Variants in AFG2A observed in about 807,000 individuals in gnomAD.
AFG2A encodes the protein AAA ATPase AFG2A.
At chr4:123,201,513 A>G in the AFG2A span, among the ~76,000 whole-genome samples, 1 of 152,218 alleles carries the variant, frequency 6.6e-6, no homozygotes, top group Non-Finnish European at 1.5e-5. Context: ...TGTTTTGTAG[A>G]GTGACATACT....
At chr4:123,048,553 A>G in the AFG2A span, among the ~76,000 whole-genome samples, 1 of 152,114 alleles carries the variant, frequency 6.6e-6, no homozygotes, top group Non-Finnish European at 1.5e-5. Flanking sequence ...TGTTTTATAT[A>G]GTTTTCCTTG....
chr4:122,946,160 G>A, the AFG2A span, among the ~76,000 whole-genome samples: 1 of 152,206 alleles, frequency 6.6e-6, no homozygotes, highest in African/African-American at 2.4e-5. Context: ...TGACTGTTAA[G>A]CAGACCAAAT....
At chr4:122,945,884 C>T in the AFG2A span, among the ~76,000 whole-genome samples, 3 of 152,274 alleles carry the variant, frequency 2.0e-5, no homozygotes, top group South Asian at 2.1e-4. Flanking sequence ...TATATACTAA[C>T]GTGTTAGTAA....
the AFG2A span, chr4:123,090,528 A>G: frequency 2.7e-4 from 433 of 1,592,394 alleles, no homozygotes; most frequent in Non-Finnish European, 3.3e-4. Flanking sequence ...AATAGATAAT[A>G]GTATTTGAAG....
chr4:123,104,125 G>A, the AFG2A span, among the ~76,000 whole-genome samples: 1 of 152,126 alleles, frequency 6.6e-6, no homozygotes, highest in Non-Finnish European at 1.5e-5. Flanking sequence ...TTGAGTATTT[G>A]TGGTAACCCT....
At chr4:122,965,504 C>T in the AFG2A span, among the ~76,000 whole-genome samples, 1 of 152,178 alleles carries the variant, frequency 6.6e-6, no homozygotes, top group Admixed American at 6.5e-5. Context: ...TTTGCCTTTT[C>T]TTCCCTTCAA....
the AFG2A span, among the ~76,000 whole-genome samples, chr4:123,111,330 T>A: frequency 6.6e-6 from 1 of 152,170 alleles, no homozygotes; most frequent in African/African-American, 2.4e-5. Flanking sequence ...ACCCATATAT[T>A]TTTGGACACC....
the AFG2A span, among the ~76,000 whole-genome samples, chr4:123,035,838 G>C: frequency 1.3e-5 from 2 of 151,996 alleles, no homozygotes; most frequent in African/African-American, 4.8e-5. Context: ...AGAAGACCTA[G>C]AGAGATTTAG....
At chr4:123,099,603 G>A in the AFG2A span, among the ~76,000 whole-genome samples, 1 of 151,228 alleles carries the variant, frequency 6.6e-6, no homozygotes, top group African/African-American at 2.4e-5. Flanking sequence ...AGTCGTATTT[G>A]AGTAAAAAAT....
At chr4:123,310,725 G>T in the AFG2A span, among the ~76,000 whole-genome samples, 1 of 152,200 alleles carries the variant, frequency 6.6e-6, no homozygotes. Flanking sequence ...ATTGACGAAA[G>T]AATGACTGGC....
the AFG2A span, among the ~76,000 whole-genome samples, chr4:123,106,562 G>T: frequency 6.6e-6 from 1 of 152,212 alleles, no homozygotes; most frequent in South Asian, 2.1e-4. Flanking sequence ...TTATACTTCA[G>T]CAACAGTTTC....
the AFG2A span, among the ~76,000 whole-genome samples, chr4:122,999,898 C>A: frequency 6.6e-6 from 1 of 152,050 alleles, no homozygotes; most frequent in African/African-American, 2.4e-5. Flanking sequence ...TTACCTTGGG[C>A]AGTATGGCCA....
the AFG2A span, among the ~76,000 whole-genome samples, chr4:122,929,575 T>G: frequency 6.6e-6 from 1 of 152,064 alleles, no homozygotes; most frequent in Non-Finnish European, 1.5e-5. Context: ...GGTGTGTACC[T>G]GTAGTCCCAA....
chr4:123,129,141 A>T, the AFG2A span, among the ~76,000 whole-genome samples: 1 of 152,198 alleles, frequency 6.6e-6, no homozygotes, highest in Non-Finnish European at 1.5e-5. Flanking sequence ...TCAATTAAAA[A>T]TCTTAAAGGC....
chr4:123,033,700 C>T, the AFG2A span, among the ~76,000 whole-genome samples: 13 of 152,260 alleles, frequency 8.5e-5, no homozygotes, highest in Non-Finnish European at 1.8e-4. Context: ...GAGTATGTCA[C>T]GATGAAAAGA....
the AFG2A span, among the ~76,000 whole-genome samples, chr4:123,011,665 A>G: frequency 6.6e-6 from 1 of 152,232 alleles, no homozygotes; most frequent in South Asian, 2.1e-4. Context: ...ATTGGGGTCA[A>G]GCGGTGTTGG....
chr4:123,266,066 C>T, the AFG2A span, among the ~76,000 whole-genome samples: 1 of 151,936 alleles, frequency 6.6e-6, no homozygotes, highest in Non-Finnish European at 1.5e-5. Flanking sequence ...AGCATAGATT[C>T]TGATAGTGAC....
the AFG2A span, among the ~76,000 whole-genome samples, chr4:123,162,005 T>C: frequency 1.4e-5 from 2 of 139,234 alleles, no homozygotes; most frequent in Non-Finnish European, 3.2e-5. Context: ...AAGTGGTGAG[T>C]TCCTGGTTAA....
At chr4:122,951,766 C>T in the AFG2A span, among the ~76,000 whole-genome samples, 1 of 152,182 alleles carries the variant, frequency 6.6e-6, no homozygotes, top group African/African-American at 2.4e-5. Flanking sequence ...TATGCCTGCT[C>T]AAGTGCAAGG....
Sources: gnomAD v4.1 joint callset for allele counts (sites outside exome capture counted in the v4.1 genomes callset) on GRCh38, gnomAD v4.1.1 for gene constraint, MANE v1.5 for transcripts, NCBI Gene and HGNC (gene_info 2026-07-23, HGNC 2026-07-21) for gene names.